The following CHMP2B variants were observed in gnomAD, a reference collection of about 807,000 sequenced individuals.
The protein encoded by CHMP2B is charged multivesicular body protein 2B.
A neutral mutation model predicts 29.8 loss-of-function variants in CHMP2B; 22 were observed. The ratio of observed to expected loss-of-function variants is 0.74; its 90% confidence interval spans 0.53 to 1.05. CHMP2B has a LOEUF of 1.05. CHMP2B is among the 50% of genes least tolerant of loss of function. The pLI is 0.00. For missense variants in CHMP2B, 261 were observed against 252.2 expected, an observed-to-expected ratio of 1.03 and a Z score of -0.24; for synonymous variants, 78 against 75.8, an observed-to-expected ratio of 1.03 and a Z score of -0.15.
At chr3:87,233,891 TA>T (rs1705950402) in intron 1 of CHMP2B, among the ~76,000 whole-genome samples, 1 of 152,170 alleles carries the variant, frequency 6.6e-6, no homozygotes, top group Admixed American at 6.5e-5. Context: ...CTTATTAGAT[TA>T]AAAAGTCTGT....
rs1705989966 is a variant in CHMP2B at position 87,235,503 on chromosome 3, C to A, written c.35-5196C>A. ...TTAGAACTGTTTAAATATTAATAGG[C>A]CTATTAACAACTATGAGGCTGTGGA... is the stretch of plus-strand genomic sequence containing the variant. On this transcript the variant is annotated intron_variant, in intron 1 of 5. Coordinates refer to ENST00000263780, the MANE Select transcript of CHMP2B (RefSeq NM_014043.4). Among the ~76,000 whole-genome samples the A allele has an allele frequency of 2.6e-5, 4 of 151,912 alleles. No homozygotes were observed. In the South Asian group the frequency reaches 8.3e-4, roughly 32 times the overall value.
chr3:87,227,990 C>T (rs1056970802), intron 1 of CHMP2B, among the ~76,000 whole-genome samples: 5 of 152,164 alleles, frequency 3.3e-5, no homozygotes, highest in Non-Finnish European at 7.3e-5. Flanking sequence ...ATAACAGGCT[C>T]CAGTTAGGAA....
At chr3:87,229,109 A>G (rs1393867380) in intron 1 of CHMP2B, among the ~76,000 whole-genome samples, 2 of 152,166 alleles carry the variant, frequency 1.3e-5, no homozygotes, top group Non-Finnish European at 2.9e-5. Flanking sequence ...AAAGCCAAGC[A>G]TACTAGTTTT....
At chr3:87,228,928 A>G (rs1225782243) in intron 1 of CHMP2B, among the ~76,000 whole-genome samples, 1 of 146,370 alleles carries the variant, frequency 6.8e-6, no homozygotes, top group Non-Finnish European at 1.5e-5. Context: ...ACAGTACTCC[A>G]GGGAGTGGGG....
At chr3:87,250,673 A>T (rs1408260070) in intron 4 of CHMP2B, among the ~76,000 whole-genome samples, 1 of 151,962 alleles carries the variant, frequency 6.6e-6, no homozygotes, top group Non-Finnish European at 1.5e-5. Flanking sequence ...ATATCATTTA[A>T]CATCAGTATA....
chr3:87,248,998 T>A (rs955640011), intron 3 of CHMP2B, among the ~76,000 whole-genome samples: 3 of 152,182 alleles, frequency 2.0e-5, no homozygotes, highest in African/African-American at 7.2e-5. Flanking sequence ...TAGGGATACA[T>A]TCTGAAAAAT....
intron 2 of CHMP2B, among the ~76,000 whole-genome samples, chr3:87,244,557 T>G (rs1341083383): frequency 6.6e-6 from 1 of 152,166 alleles, no homozygotes. Flanking sequence ...TATTATTTTC[T>G]CTGTGGTTTT....
intron 2 of CHMP2B, among the ~76,000 whole-genome samples, chr3:87,243,335 C>T (rs1041610217): frequency 6.6e-6 from 1 of 151,902 alleles, no homozygotes; most frequent in African/African-American, 2.4e-5. Context: ...AGAATATCTG[C>T]ACCTGTGTTC....
chr3:87,238,537 A>T (rs1706056893), intron 1 of CHMP2B, among the ~76,000 whole-genome samples: 1 of 152,200 alleles, frequency 6.6e-6, no homozygotes, highest in African/African-American at 2.4e-5. Flanking sequence ...GATATTTCAT[A>T]TAAATGTAAT....
At chr3:87,237,569 G>A (rs1405904933) in intron 1 of CHMP2B, among the ~76,000 whole-genome samples, 4 of 152,170 alleles carry the variant, frequency 2.6e-5, no homozygotes, top group Non-Finnish European at 5.9e-5. Context: ...AATACAGCAT[G>A]TTCCAATCCA....
intron 1 of CHMP2B, among the ~76,000 whole-genome samples, chr3:87,227,973 G>A (rs1705844062): frequency 6.6e-6 from 1 of 152,198 alleles, no homozygotes; most frequent in Non-Finnish European, 1.5e-5. Flanking sequence ...GAATGGGGAG[G>A]GAGGGGATAA....
intron 1 of CHMP2B, among the ~76,000 whole-genome samples, chr3:87,230,647 C>G (rs993615583): frequency 2.6e-5 from 4 of 152,160 alleles, no homozygotes; most frequent in Non-Finnish European, 4.4e-5. Flanking sequence ...TCTCCCTGGA[C>G]ACAGCATTTC....
chr3:87,239,368 C>G (rs1241416034), intron 1 of CHMP2B, among the ~76,000 whole-genome samples: 1 of 151,926 alleles, frequency 6.6e-6, no homozygotes, highest in African/African-American at 2.4e-5. Flanking sequence ...AGATTTACTT[C>G]TATGTGTTCT....
intron 1 of CHMP2B, 109 bp from the exon 2 acceptor site, chr3:87,240,590 C>T (rs992973901): frequency 1.7e-4 from 141 of 810,440 alleles, no homozygotes; most frequent in Middle Eastern, 3.1e-4. Flanking sequence ...AGCCACTGCG[C>T]CCAGCCAATA....
chr3:87,248,452 G>C (rs1559609948), intron 3 of CHMP2B, among the ~76,000 whole-genome samples: 2 of 151,774 alleles, frequency 1.3e-5, no homozygotes. Flanking sequence ...CTGCCTCCAG[G>C]TTCAAGTGAT....
rs1301607820 is a variant in CHMP2B at position 87,240,732 on chromosome 3, G to A, written c.68G>A (p.Gly23Asp). 6.2e-7 allele frequency: 1 copy of A among 1,613,454 alleles called. No homozygotes were observed. The highest frequency in any genetic ancestry group is 8.5e-7 in the Non-Finnish European group (1 of 1,179,512). ...VIKEQNRELR[G>D]TQRAIIRDRA... ...AAGGAACAGAATCGAGAGTTACGAG[G>A]TACACAGAGGGCTATAATCAGAGAT... Residue 23 changes from glycine (G) to aspartate (D), a missense_variant, in exon 2 of 6, where the codon GGT becomes GAT. Coordinates refer to ENST00000263780, the MANE Select transcript of CHMP2B (RefSeq NM_014043.4).
intron 4 of CHMP2B, chr3:87,253,025 G>T (rs1016244640): frequency 5.3e-6 from 1 of 189,360 alleles, no homozygotes; most frequent in African/African-American, 2.4e-5. Flanking sequence ...TCGTTTTCCA[G>T]ATATTAACAG....
At chr3:87,234,972 A>G (rs1050228340) in intron 1 of CHMP2B, among the ~76,000 whole-genome samples, 1 of 111,532 alleles carries the variant, frequency 9.0e-6, no homozygotes, top group Non-Finnish European at 1.9e-5. Flanking sequence ...TTGACAACTG[A>G]TTTTGTTTTA....
At chr3:87,235,014 G>A (rs1188023662) in intron 1 of CHMP2B, among the ~76,000 whole-genome samples, 1 of 152,138 alleles carries the variant, frequency 6.6e-6, no homozygotes, top group Admixed American at 6.5e-5. Flanking sequence ...ATGCCTGTAA[G>A]AGGAATCCTT....
Sources: gnomAD v4.1 joint callset for allele counts (sites outside exome capture counted in the v4.1 genomes callset) on GRCh38, gnomAD v4.1.1 for gene constraint, MANE v1.5 for transcripts, NCBI Gene and HGNC (gene_info 2026-07-23, HGNC 2026-07-21) for gene names.